Variants in FAM135B observed in about 807,000 individuals in gnomAD.
FAM135B encodes the protein protein FAM135B.
A neutral mutation model predicts 127.7 loss-of-function variants in FAM135B; 43 were observed. The observed-to-expected ratio is 0.34, with a 90% CI of 0.26 to 0.43. The LOEUF is 0.43. Among genes scored for constraint, FAM135B ranks in the 20% least tolerant of loss-of-function variants. The probability of loss-of-function intolerance (pLI) is 1.00; values close to 1 mark genes in which losing one functional copy is unlikely to be tolerated. For missense variants in FAM135B, 1,558 were observed against 1,725.6 expected (o/e 0.90, Z 1.72); for synonymous variants, 670 against 665.1 (o/e 1.01, Z -0.11).
intron 1 of FAM135B, among the ~76,000 whole-genome samples, chr8:138,424,592 G>A (rs950456560): frequency 6.6e-6 from 1 of 152,134 alleles, no homozygotes; most frequent in Admixed American, 6.5e-5. Context: ...ACTTCCCAGT[G>A]CTCTCCCTAT....
chr8:138,317,677 C>A (rs1827191134), intron 2 of FAM135B, among the ~76,000 whole-genome samples: 1 of 152,176 alleles, frequency 6.6e-6, no homozygotes, highest in Admixed American at 6.5e-5. Context: ...GGCTCCATAC[C>A]AACTGGAGAA....
At chr8:138,490,084 G>T (rs1260797418) in intron 1 of FAM135B, among the ~76,000 whole-genome samples, 1 of 152,158 alleles carries the variant, frequency 6.6e-6, no homozygotes, top group Non-Finnish European at 1.5e-5. Flanking sequence ...CTATAACAGA[G>T]GATGGGGCAT....
At chr8:138,283,629 C>T (rs1293309990) in intron 3 of FAM135B, among the ~76,000 whole-genome samples, 1 of 151,912 alleles carries the variant, frequency 6.6e-6, no homozygotes, top group African/African-American at 2.4e-5. Flanking sequence ...TAATGATGCA[C>T]CAATGTAACA....
At chr8:138,354,351 G>A (rs973202489) in intron 2 of FAM135B, among the ~76,000 whole-genome samples, 2 of 152,048 alleles carry the variant, frequency 1.3e-5, no homozygotes, top group African/African-American at 4.8e-5. Flanking sequence ...CAGTACTCTT[G>A]AAAACCCTAG....
Position 138,141,127 on chromosome 8 carries a change from C to T in FAM135B, c.3790+71G>A, listed in dbSNP as rs1199037197. 6.8e-7 allele frequency: 1 copy of T among 1,465,188 alleles called. No homozygotes were observed. Among genetic ancestry groups the T allele is most frequent in the East Asian group, 2.3e-5 (1 of 43,846 alleles). 90.8% of individuals were successfully genotyped at this position (1,465,188 alleles called of 1,614,324 possible). A position where few individuals can be genotyped will look rare whatever the true frequency, so the allele number is the denominator to read the frequency against. ...GTCACAGGGTTCCAAGTGGAAGTAC[C>T]TGTGCCCGGTTTCACGCCCCAGAGG... On this transcript the variant is annotated intron_variant, in intron 17 of 19. Transcript: ENST00000395297. The surrounding 1 kb of genome is among the most constrained non-coding windows in gnomAD (Gnocchi z 4.7).
In FAM135B at chr8:138,243,368, T is replaced by C. The variant is rs185433122; in HGVS notation, c.543-300A>G. Among the ~76,000 whole-genome samples, 1 of 152,152 alleles carries C rather than the reference T, an allele frequency of 6.6e-6. No homozygotes were observed. Among genetic ancestry groups the C allele is most frequent in the African/African-American group, 2.4e-5 (1 of 41,448 alleles). On this transcript the variant is annotated intron_variant, in intron 6 of 19. Transcript: ENST00000395297. This position sits in a 1 kb window ranked among gnomAD's most constrained non-coding sequence, Gnocchi z 7.5. ...AAACACTGAAGCAGAGCTCCAAGCT[T>C]ATATCACTAGAGGGGAAGGTGGCAT...
chr8:138,139,497 G>T (rs775745144), intron 17 of FAM135B, among the ~76,000 whole-genome samples: 1 of 152,228 alleles, frequency 6.6e-6, no homozygotes, highest in Non-Finnish European at 1.5e-5. Context: ...TGTTGGCTGG[G>T]CATGGTGGCT....
At chr8:138,177,542 C>T in intron 10 of FAM135B, 122 bp from the exon 11 acceptor site, 1 of 833,088 alleles carries the variant, frequency 1.2e-6, no homozygotes. Flanking sequence ...GAGCCAGGCC[C>T]CTGACCTGAA....
At chr8:138,335,822 C>A (rs1828537558) in intron 2 of FAM135B, among the ~76,000 whole-genome samples, 2 of 152,176 alleles carry the variant, frequency 1.3e-5, no homozygotes, top group South Asian at 4.1e-4. Flanking sequence ...AGCACCACAC[C>A]ACACTTATTC....
chr8:138,149,197 C>A lies in FAM135B; in HGVS notation c.3282-511G>T, dbSNP rs545860614. 3.4e-3 allele frequency among the ~76,000 whole-genome samples: 509 copies of A among 150,718 alleles called. 1 individual carries two copies. The highest frequency in any genetic ancestry group is 0.012 in the African/African-American group (480 of 41,128). On this transcript the variant is annotated intron_variant, in intron 13 of 19. Transcript: ENST00000395297. Reference sequence around the variant, plus strand: ...AAGAGAAAACCAAAAACAAAAAAACCCCGAAGCTTCTATGGGTTTTGGTTC... The same window carrying A: ...AAGAGAAAACCAAAAACAAAAAAACACCGAAGCTTCTATGGGTTTTGGTTC...
intron 12 of FAM135B, among the ~76,000 whole-genome samples, chr8:138,156,465 TAGAG>T (rs1420571339): frequency 1.3e-5 from 2 of 151,846 alleles, no homozygotes; most frequent in African/African-American, 4.8e-5. Context: ...CTGAAGGAGA[TAGAG>T]ACACAAAAAA....
chr8:138,225,904 C>T (rs1819389795), intron 7 of FAM135B, among the ~76,000 whole-genome samples: 2 of 152,088 alleles, frequency 1.3e-5, no homozygotes, highest in South Asian at 2.1e-4. Flanking sequence ...GTATACTATG[C>T]CCAGAGGAGG....
At chr8:138,351,112 T>C (rs553992378) in intron 2 of FAM135B, among the ~76,000 whole-genome samples, 1 of 152,314 alleles carries the variant, frequency 6.6e-6, no homozygotes, top group African/African-American at 2.4e-5. Context: ...CATGCCTTTT[T>C]ATGCTTTTCC....
intron 1 of FAM135B, among the ~76,000 whole-genome samples, chr8:138,406,590 C>A (rs1303356120): frequency 6.6e-6 from 1 of 152,086 alleles, no homozygotes; most frequent in African/African-American, 2.4e-5. Flanking sequence ...CCCTGGGATG[C>A]AAGGCTGGTT....
At chr8:138,238,968 T>G (rs910616210) in intron 7 of FAM135B, among the ~76,000 whole-genome samples, 1 of 152,224 alleles carries the variant, frequency 6.6e-6, no homozygotes, top group African/African-American at 2.4e-5. Context: ...CCATTTTATC[T>G]GAGTCTGGTC....
At chr8:138,437,573 C>T (rs1835521775) in intron 1 of FAM135B, 1 of 152,172 alleles carries the variant, frequency 6.6e-6, no homozygotes, top group Admixed American at 6.5e-5. Context: ...ATCAATTAAA[C>T]TTATTTTCTT....
chr8:138,473,898 T>C (rs771292924), intron 1 of FAM135B, among the ~76,000 whole-genome samples: 4 of 152,194 alleles, frequency 2.6e-5, no homozygotes, highest in Non-Finnish European at 5.9e-5. Context: ...CCAAGCATTG[T>C]ATAAGTGTGC....
At chr8:138,326,050 G>A (rs1827779493) in intron 2 of FAM135B, among the ~76,000 whole-genome samples, 1 of 152,268 alleles carries the variant, frequency 6.6e-6, no homozygotes, top group Admixed American at 6.5e-5. Flanking sequence ...CTTAGTTGGA[G>A]TGACTGTATA....
chr8:138,272,318 T>C (rs1051092653), intron 3 of FAM135B, among the ~76,000 whole-genome samples: 1 of 152,198 alleles, frequency 6.6e-6, no homozygotes, highest in African/African-American at 2.4e-5. Context: ...AATGGAGGGA[T>C]ATGACTTTTG....
Sources: gnomAD v4.1 joint callset for allele counts (sites outside exome capture counted in the v4.1 genomes callset) on GRCh38, gnomAD v4.1.1 for gene constraint, Gnocchi (gnomAD v3.1) non-coding constraint, MANE v1.5 for transcripts, NCBI Gene and HGNC (gene_info 2026-07-23, HGNC 2026-07-21) for gene names.